Variants in SDHA observed in about 807,000 individuals in gnomAD.
SDHA encodes succinate dehydrogenase [ubiquinone] flavoprotein subunit, mitochondrial.
A neutral mutation model predicts 78.4 loss-of-function variants in SDHA; 48 were observed. That is an observed-to-expected ratio of 0.61 (90% confidence interval 0.49 to 0.78). The LOEUF is 0.78. SDHA is among the 30% of genes least tolerant of loss of function. The pLI is 0.00. For synonymous variants in SDHA, 326 were observed against 353.9 expected (o/e 0.92, Z 0.88); for missense variants, 680 against 892.7 (o/e 0.76, Z 3.04).
At chr5:220,702 C>T (rs1234003568) in intron 1 of SDHA, among the ~76,000 whole-genome samples, 4 of 152,110 alleles carry the variant, frequency 2.6e-5, no homozygotes, top group African/African-American at 9.7e-5. Context: ...CCTCTCTGAG[C>T]TCCGTCTTTC....
intron 13 of SDHA, 160 bp downstream of exon 13, chr5:251,628 G>T (rs764536882): frequency 3.9e-6 from 6 of 1,533,958 alleles, no homozygotes; most frequent in Non-Finnish European, 5.3e-6. Context: ...CTGGGTTCTC[G>T]CCATCTTCTG....
At chr5:240,590 T>G (rs1232833196) in intron 11 of SDHA, 114 bp downstream of exon 11, 2 of 757,372 alleles carry the variant, frequency 2.6e-6, no homozygotes, top group East Asian at 5.0e-5. Context: ...TTTGTGTGGA[T>G]GTACTGGGAG....
chr5:262,289 A>G, the SDHA span, among the ~76,000 whole-genome samples: 1 of 83,246 alleles, frequency 1.2e-5, no homozygotes, highest in Admixed American at 1.2e-4. Context: ...GCCTCCCGAC[A>G]GAGCATTACC....
rs769476810 is a variant in SDHA at position 223,470 on chromosome 5, C to T, written c.64-12C>T. ...CACTAACCCTCTGGATCTGTGTCTT[C>T]TGTGTCTCCAGTGGCCAACAGTGTT... On this transcript the variant is annotated splice_polypyrimidine_tract_variant and intron_variant, in intron 1 of 14. Transcript: ENST00000264932. 2.1e-5 allele frequency: 33 copies of T among 1,596,058 alleles called. No homozygotes were observed. Among genetic ancestry groups the T allele is most frequent in the Non-Finnish European group, 2.4e-5 (28 of 1,163,620 alleles).
intron 1 of SDHA, among the ~76,000 whole-genome samples, chr5:222,268 G>A (rs1734759611): frequency 6.6e-6 from 1 of 151,706 alleles, no homozygotes; most frequent in African/African-American, 2.4e-5. Flanking sequence ...TTTCTGAATT[G>A]CAAGTATTTC....
the SDHA span, among the ~76,000 whole-genome samples, chr5:262,375 G>A: frequency 1.3e-4 from 18 of 133,504 alleles, no homozygotes; most frequent in Admixed American, 3.0e-4. Flanking sequence ...TGTGAGCTCC[G>A]CCTCCTGTCC....
chr5:267,959 A>G, the SDHA span, among the ~76,000 whole-genome samples: 1 of 152,008 alleles, frequency 6.6e-6, no homozygotes, highest in African/African-American at 2.4e-5. Context: ...CATTGGCAAT[A>G]CCCCCACCTC....
intron 13 of SDHA, among the ~76,000 whole-genome samples, chr5:252,764 C>T (rs796820314): frequency 0.014 from 1,490 of 108,118 alleles, no homozygotes; most frequent in African/African-American, 0.063. Flanking sequence ...TTCATACCTG[C>T]CCTGTGGAGG....
intron 10 of SDHA, among the ~76,000 whole-genome samples, chr5:238,550 T>C (rs1735929178): frequency 6.6e-6 from 1 of 152,148 alleles, no homozygotes. Flanking sequence ...AAAAATGTTT[T>C]GTAGGGACAG....
the SDHA span, among the ~76,000 whole-genome samples, chr5:262,705 G>A: frequency 6.6e-6 from 1 of 152,248 alleles, no homozygotes; most frequent in East Asian, 1.9e-4. Flanking sequence ...TGGCATAGAA[G>A]TAAATGGGCT....
rs769819346 is a variant in SDHA, at chr5:251,315, G to C, written c.1664-23G>C. Reference sequence around the variant, plus strand: ...ATGTGACTGGGTCCCGCCTGCCCCTGATGGAACTTTTTGTGTCCCCAGGAA... The same window carrying C: ...ATGTGACTGGGTCCCGCCTGCCCCTCATGGAACTTTTTGTGTCCCCAGGAA... On this transcript the variant is annotated intron_variant, in intron 12 of 14. Coordinates refer to ENST00000264932, the MANE Select transcript of SDHA (RefSeq NM_004168.4). The C allele has an allele frequency of 1.9e-6, 3 of 1,609,262 alleles. No homozygotes were observed. In the East Asian group the frequency reaches 6.7e-5, roughly 36 times the overall value.
chr5:254,431 G>A lies in SDHA; in HGVS notation c.1833G>A (p.Gln611=), dbSNP rs1737047325. 4 of 1,603,180 alleles carry A rather than the reference G, an allele frequency of 2.5e-6. No homozygotes were observed. Among genetic ancestry groups the A allele is most frequent in the Non-Finnish European group, 3.4e-6 (4 of 1,175,006 alleles). The change falls in exon 14 of 15, where the codon CAG becomes CAA. Residue 611 remains glutamine (Q), a synonymous_variant. Coordinates refer to ENST00000264932, the MANE Select transcript of SDHA (RefSeq NM_004168.4). The stretch of plus-strand genomic sequence containing the variant: ...AGTACGATTACTCCAAGCCCATCCA[G>A]GGGCAACAGAAGAAGCCCTTTGAGG... ...IDEYDYSKPI[Q]GQQKKPFEEH...
At chr5:241,099 A>G (rs1462816912) in intron 11 of SDHA, among the ~76,000 whole-genome samples, 3 of 152,128 alleles carry the variant, frequency 2.0e-5, no homozygotes, top group Non-Finnish European at 4.4e-5. Flanking sequence ...TCTTTTCCAC[A>G]TAGAAGGTCG....
the SDHA span, among the ~76,000 whole-genome samples, chr5:266,457 G>A: frequency 0.24 from 36,424 of 151,762 alleles, 6,816 homozygotes; most frequent in African/African-American, 0.53. Context: ...ACTGAGACCA[G>A]GAAAACCACT....
chr5:234,599 G>C, intron 8 of SDHA: 2 of 171,072 alleles, frequency 1.2e-5, no homozygotes, highest in South Asian at 1.5e-4. Context: ...ACAATACAGT[G>C]TAACAGCTAT....
At chr5:244,286 A>C (rs79707516) in intron 11 of SDHA, among the ~76,000 whole-genome samples, 35,465 of 150,824 alleles carry the variant, frequency 0.24, 6,075 homozygotes, top group African/African-American at 0.51. Flanking sequence ...GGACCCTTGC[A>C]AGCAGGGACG....
chr5:224,826 A>C, intron 3 of SDHA: 1 of 437,608 alleles, frequency 2.3e-6, no homozygotes, highest in South Asian at 2.2e-5. Flanking sequence ...AAAGGAGATC[A>C]CCTAAAGAGG....
chr5:250,071 T>G (rs544392029), intron 11 of SDHA: 16 of 152,178 alleles, frequency 1.1e-4, no homozygotes, highest in Non-Finnish European at 1.8e-4. Flanking sequence ...TGAAAACATG[T>G]GGCTGCTAAT....
intron 9 of SDHA, chr5:235,548 TACATCA>T: frequency 1.6e-6 from 1 of 617,698 alleles, no homozygotes; most frequent in Non-Finnish European, 2.9e-6. Flanking sequence ...TTGTCAGAGA[TACATCA>T]TTTGCAGCTT....
Sources: allele counts gnomAD v4.1 joint callset (sites outside exome capture counted in the v4.1 genomes callset), GRCh38; gene constraint gnomAD v4.1.1; transcripts MANE v1.5; gene names NCBI Gene and HGNC (gene_info 2026-07-23, HGNC 2026-07-21).